IL6R: variants seen among roughly 807,000 people sequenced by gnomAD.
IL6R encodes interleukin-6 receptor subunit alpha.
In IL6R, 38 loss-of-function variants were observed where a neutral mutation model predicts 48.3. That is an observed-to-expected ratio of 0.79 (90% CI 0.61 to 1.03). IL6R has a LOEUF of 1.03. IL6R is among the 50% of genes least tolerant of loss of function. The pLI, the probability that IL6R is intolerant of heterozygous loss-of-function variation, is 0.00. For missense variants in IL6R, 534 were observed against 618.3 expected (o/e 0.86, Z 1.45); for synonymous variants, 264 against 256.2 (o/e 1.03, Z -0.29).
intron 6 of IL6R, 84 bp from the exon 7 acceptor site, chr1:154,448,041 C>CTT: frequency 1.8e-6 from 2 of 1,134,534 alleles, no homozygotes; most frequent in Non-Finnish European, 1.3e-6. Context: ...TTGAGATGAA[C>CTT]TTTTTTTTTC....
intron 6 of IL6R, among the ~76,000 whole-genome samples, chr1:154,438,173 G>A (rs1689740781): frequency 6.6e-6 from 1 of 151,566 alleles, no homozygotes; most frequent in Non-Finnish European, 1.5e-5. Flanking sequence ...TTCCTCTGTT[G>A]GTGCCCTCCT....
chr1:154,414,805 C>T lies in IL6R; in HGVS notation c.85+9091C>T, dbSNP rs532673519. ...CAGCTCCATGTGGAACTCAGCCACC[C>T]GCTTCTGGGACAGCAGGAAGAGGAG... On this transcript the variant is annotated intron_variant, in intron 1 of 9. Coordinates refer to ENST00000368485, the MANE Select transcript of IL6R (RefSeq NM_000565.4). The T allele has an allele frequency of 1.5e-3, 1,159 of 756,898 alleles. 7 individuals carry two copies. The highest frequency in any genetic ancestry group is 2.5e-3 in the Admixed American group (130 of 52,210). The allele number at this position is 756,898 out of a possible 1,614,324, so 46.9% of individuals were successfully genotyped here. A position where few individuals can be genotyped will look rare whatever the true frequency, so the allele number is the denominator to read the frequency against.
At chr1:154,408,708 CCCTT>C (rs1277800860) in intron 1 of IL6R, among the ~76,000 whole-genome samples, 1 of 152,080 alleles carries the variant, frequency 6.6e-6, no homozygotes, top group Non-Finnish European at 1.5e-5. Flanking sequence ...AATATACACT[CCCTT>C]CCCCCGTCTC....
intron 9 of IL6R, among the ~76,000 whole-genome samples, chr1:154,461,704 A>C (rs1300027540): frequency 6.6e-6 from 1 of 152,148 alleles, no homozygotes; most frequent in East Asian, 1.9e-4. Flanking sequence ...ATTATACTGA[A>C]ACAGTTTGTG....
At chr1:154,433,226 C>T (rs938554157) in intron 3 of IL6R, among the ~76,000 whole-genome samples, 3 of 152,174 alleles carry the variant, frequency 2.0e-5, no homozygotes, top group African/African-American at 7.2e-5. Flanking sequence ...CAGCAGGAGC[C>T]CAGGGTTCGA....
chr1:154,430,672 G>A, intron 3 of IL6R, 66 bp downstream of exon 3: 1 of 1,597,772 alleles, frequency 6.3e-7, no homozygotes, highest in Non-Finnish European at 8.6e-7. Flanking sequence ...CCAGAGAGGG[G>A]CTGGTTCAGG....
intron 1 of IL6R, among the ~76,000 whole-genome samples, chr1:154,411,667 T>C (rs1688026574): frequency 6.6e-6 from 1 of 152,176 alleles, no homozygotes; most frequent in South Asian, 2.1e-4. Flanking sequence ...CTTCACCAGC[T>C]AGGGGACCTT....
chr1:154,465,432 G>A lies in IL6R; in HGVS notation c.*52G>A, dbSNP rs562546238. The A allele has an allele frequency of 6.9e-6, 11 of 1,602,188 alleles. No homozygotes were observed. The highest frequency in any genetic ancestry group is 1.7e-4 in the Middle Eastern group (1 of 6,038). Reference sequence around the variant, plus strand: ...ACCCTGTGGATGATAAAACACAAACGGGCTCAGCAAAAGATGCTTCTCACT... The same window carrying A: ...ACCCTGTGGATGATAAAACACAAACAGGCTCAGCAAAAGATGCTTCTCACT... On this transcript the variant is annotated 3_prime_UTR_variant, in exon 10 of 10. Coordinates refer to ENST00000368485, the MANE Select transcript of IL6R (RefSeq NM_000565.4).
chr1:154,459,627 T>C (rs907209774), intron 9 of IL6R, among the ~76,000 whole-genome samples: 7 of 152,240 alleles, frequency 4.6e-5, no homozygotes, highest in African/African-American at 1.7e-4. Flanking sequence ...GATTTTTTTC[T>C]TTGTTTTTTA....
chr1:154,447,671 T>G (rs1440969754), intron 6 of IL6R, among the ~76,000 whole-genome samples: 1 of 150,514 alleles, frequency 6.6e-6, no homozygotes, highest in Non-Finnish European at 1.5e-5. Flanking sequence ...TATTTGGTTA[T>G]TTCCAGCATG....
At chr1:154,432,443 C>T (rs531166139) in intron 3 of IL6R, among the ~76,000 whole-genome samples, 6 of 151,594 alleles carry the variant, frequency 4.0e-5, no homozygotes, top group Middle Eastern at 3.4e-3. Flanking sequence ...CTGCAATCTC[C>T]GCCTCCCGGG....
chr1:154,432,729 G>A (rs1035799683), intron 3 of IL6R, among the ~76,000 whole-genome samples: 4 of 152,164 alleles, frequency 2.6e-5, no homozygotes, highest in South Asian at 4.1e-4. Flanking sequence ...GAGCAGCCTC[G>A]TGCCTTTGCT....
intron 1 of IL6R, among the ~76,000 whole-genome samples, chr1:154,417,401 A>G (rs985158429): frequency 2.0e-5 from 3 of 152,188 alleles, no homozygotes; most frequent in Non-Finnish European, 2.9e-5. Flanking sequence ...AGCACCCTAC[A>G]CACTGGCTGT....
chr1:154,460,679 A>C (rs1208235967), intron 9 of IL6R, among the ~76,000 whole-genome samples: 3 of 152,204 alleles, frequency 2.0e-5, no homozygotes, highest in Admixed American at 2.0e-4. Flanking sequence ...TGAAGTGTAC[A>C]CACCCATGTC....
In IL6R at chr1:154,436,026, G is replaced by T. The variant is rs370717066; in HGVS notation, c.865G>T (p.Val289Leu). Reference protein sequence around the residue: ...IHDAWSGLRHVVQLRAQEEFG... With the variant: ...IHDAWSGLRHLVQLRAQEEFG... Reference sequence around the variant, plus strand: ...CGACGCCTGGAGCGGCCTGAGGCACGTGGTGCAGCTTCGTGCCCAGGAGGA... The same window carrying T: ...CGACGCCTGGAGCGGCCTGAGGCACTTGGTGCAGCTTCGTGCCCAGGAGGA... The change falls in exon 6 of 10, where the codon GTG becomes TTG. Residue 289 changes from valine (V) to leucine (L), a missense_variant. Coordinates refer to ENST00000368485, the MANE Select transcript of IL6R (RefSeq NM_000565.4). 7 of 1,613,082 alleles carry T rather than the reference G, an allele frequency of 4.3e-6. No homozygotes were observed. Among genetic ancestry groups the T allele is most frequent in the South Asian group, 2.2e-5 (2 of 90,826 alleles).
At chr1:154,454,923 T>G (rs1571002309) in intron 9 of IL6R, among the ~76,000 whole-genome samples, 1 of 152,136 alleles carries the variant, frequency 6.6e-6, no homozygotes, top group East Asian at 1.9e-4. Context: ...GAGGGTTCTT[T>G]TTTTTTGAGT....
At chr1:154,462,653 G>A (rs368157461) in intron 9 of IL6R, among the ~76,000 whole-genome samples, 9 of 149,896 alleles carry the variant, frequency 6.0e-5, no homozygotes, top group East Asian at 2.0e-4. Flanking sequence ...GATTACAGGC[G>A]TGAGCCACCG....
At chr1:154,437,250 C>A (rs1245902065) in intron 6 of IL6R, among the ~76,000 whole-genome samples, 1 of 152,144 alleles carries the variant, frequency 6.6e-6, no homozygotes, top group East Asian at 1.9e-4. Context: ...GCACCTGCCA[C>A]CACGCCCAGC....
rs1395157757 is a variant in IL6R, at chr1:154,467,101, C to G, written c.*1721C>G. 1 of 152,090 alleles carries G rather than the reference C, an allele frequency of 6.6e-6. No individual in the cohort carries two copies. Among genetic ancestry groups the G allele is most frequent in the Non-Finnish European group, 1.5e-5 (1 of 68,024 alleles). 9.4% of individuals were successfully genotyped at this position (152,090 alleles called of 1,614,324 possible). A position where few individuals can be genotyped will look rare whatever the true frequency, so the allele number is the denominator to read the frequency against. On this transcript the variant is annotated 3_prime_UTR_variant, in exon 10 of 10. Coordinates refer to ENST00000368485, the MANE Select transcript of IL6R (RefSeq NM_000565.4). The stretch of plus-strand genomic sequence containing the variant: ...CTAGAAATTCCCCACCCTGAAAGCC[C>G]TGAGCTTTCTGCTATCAAAGAGGTT...
Sources: gnomAD v4.1 joint callset for allele counts (sites outside exome capture counted in the v4.1 genomes callset) on GRCh38, gnomAD v4.1.1 for gene constraint, MANE v1.5 for transcripts, NCBI Gene and HGNC (gene_info 2026-07-23, HGNC 2026-07-21) for gene names.